The following FKBP15 variants were observed in gnomAD, a reference collection of about 807,000 sequenced individuals.
FKBP15 encodes FK506-binding protein 15.
FKBP15 carries 106 observed loss-of-function variants against 158.1 expected under a neutral mutation model. The ratio of observed to expected loss-of-function variants is 0.67; its 90% confidence interval spans 0.57 to 0.79. FKBP15 has a LOEUF of 0.79. FKBP15 is among the 30% of genes least tolerant of loss of function. The pLI is 0.00. For synonymous variants in FKBP15, 547 were observed against 548.6 expected, an observed-to-expected ratio of 1.00 and a Z score of 0.04; for missense variants, 1,287 against 1,479.1, an observed-to-expected ratio of 0.87 and a Z score of 2.13.
chr9:113,203,057 T>G (rs754215764), intron 4 of FKBP15, 22 bp from the exon 5 acceptor site: 10 of 1,472,936 alleles, frequency 6.8e-6, no homozygotes, highest in Non-Finnish European at 2.7e-6. Context: ...CAACGACAGA[T>G]AGAAAAAAAA....
At position 113,204,271 on chromosome 9, in the gene FKBP15, G is replaced by C. The variant is rs1440347099; in HGVS notation, c.325-1236C>G. Among the ~76,000 whole-genome samples, 3 of 152,120 alleles carry C rather than the reference G, an allele frequency of 2.0e-5. No individual in the cohort carries two copies. In the East Asian group the frequency reaches 5.8e-4, roughly 29 times the overall value. ...TTTTTTGTATTTTTAGTAGACACGGGGTTTCTCCATGTTGGTCAGGCTGGC... is the reference window on the plus strand; with the variant it reads ...TTTTTTGTATTTTTAGTAGACACGGCGTTTCTCCATGTTGGTCAGGCTGGC... On this transcript the variant is annotated intron_variant, in intron 4 of 27. Coordinates refer to ENST00000238256, the MANE Select transcript of FKBP15 (RefSeq NM_015258.2).
intron 2 of FKBP15, among the ~76,000 whole-genome samples, chr9:113,210,114 A>G (rs752561483): frequency 6.6e-6 from 1 of 152,148 alleles, no homozygotes; most frequent in East Asian, 1.9e-4. Context: ...CATATGGGGC[A>G]GAAGGCCTTG....
intron 22 of FKBP15, 86 bp downstream of exon 22, chr9:113,174,342 A>G (rs1587952261): frequency 1.4e-6 from 2 of 1,415,630 alleles, no homozygotes; most frequent in Non-Finnish European, 1.9e-6. Context: ...ATGTCATCCT[A>G]AAGGGTAAGG....
rs1270359257 is a variant in FKBP15 at position 113,184,126 on chromosome 9, T to G, written c.1716+166A>C. On this transcript the variant is annotated intron_variant, in intron 17 of 27. Transcript: ENST00000238256. This position sits in a 1 kb window ranked among gnomAD's most constrained non-coding sequence, Gnocchi z 4.5. ...TTCCTTCAGAATATATAGTGATAAG[T>G]CACTTGGACAGAATTAAGCCATAAT... Among the ~76,000 whole-genome samples, 1 of 152,162 alleles carries G rather than the reference T, an allele frequency of 6.6e-6. No individual in the cohort carries two copies. The highest frequency in any genetic ancestry group is 1.5e-5 in the Non-Finnish European group (1 of 68,012).
chr9:113,213,161 C>G (rs1410190306), intron 1 of FKBP15, among the ~76,000 whole-genome samples: 1 of 152,178 alleles, frequency 6.6e-6, no homozygotes, highest in Non-Finnish European at 1.5e-5. Context: ...GTAATCCCAG[C>G]ATTTTGGGAG....
chr9:113,206,842 A>G, intron 3 of FKBP15: 2 of 460,864 alleles, frequency 4.3e-6, no homozygotes, highest in Admixed American at 7.7e-5. Flanking sequence ...TCGGCCTCCC[A>G]AAGTGCTGGG....
intron 11 of FKBP15, 97 bp downstream of exon 11, chr9:113,193,395 G>T (rs1830611323): frequency 6.5e-6 from 6 of 918,720 alleles, no homozygotes; most frequent in East Asian, 5.5e-5. Context: ...GGCTGGTCTT[G>T]AACTCCTGCA....
chr9:113,170,609 C>T lies in FKBP15; in HGVS notation c.2679G>A (p.Gln893=), dbSNP rs770011959. Residue 893 remains glutamine, a synonymous_variant, in exon 25 of 28, where the codon CAG becomes CAA. Transcript: ENST00000238256. ...ACTCTCTCCGTAAGGACTGGAACACCTGGTTCATGATCTTCTTGACCTGTG... is the reference window on the plus strand; with the variant it reads ...ACTCTCTCCGTAAGGACTGGAACACTTGGTTCATGATCTTCTTGACCTGTG... ...PSEKVKKIMN[Q]VFQSLRREFE... is the part of the protein sequence containing the mutation. 1.2e-6 allele frequency: 2 copies of T among 1,613,618 alleles called. No homozygotes were observed.
chr9:113,211,208 TG>T (rs371211586), intron 2 of FKBP15, among the ~76,000 whole-genome samples: 112 of 152,350 alleles, frequency 7.4e-4, no homozygotes, highest in African/African-American at 2.5e-3. Flanking sequence ...CTCGCTCTGT[TG>T]CCCAGGCTGG....
rs141879643 is a variant in FKBP15 at position 113,201,345 on chromosome 9, C to A, written c.498+1186G>T. 6.6e-5 allele frequency among the ~76,000 whole-genome samples: 10 copies of A among 152,208 alleles called. No homozygotes were observed. The East Asian group carries it at 1.9e-3, about 29-fold the overall frequency. ...AAAGGACAGACTTCTATAAAAAATG[C>A]TCACCACGGTATCATTTACTGCAGA... On this transcript the variant is annotated intron_variant, in intron 6 of 27. Coordinates refer to ENST00000238256, the MANE Select transcript of FKBP15 (RefSeq NM_015258.2).
chr9:113,183,783 G>A lies in FKBP15; in HGVS notation c.1779C>T (p.Asp593=). ...TTCGTTCAATTAGTTCACTAATCTTGTCATTCTGTTCTTCTATCCGATTGC... is the reference window on the plus strand; with the variant it reads ...TTCGTTCAATTAGTTCACTAATCTTATCATTCTGTTCTTCTATCCGATTGC... ...EKSNRIEEQN[D]KISELIERNQ... The change falls in exon 18 of 28, where the codon GAC becomes GAT. Residue 593 remains aspartate, a synonymous_variant. Transcript: ENST00000238256. The A allele has an allele frequency of 6.2e-7, 1 of 1,613,496 alleles. No homozygotes were observed. Among genetic ancestry groups the A allele is most frequent in the Admixed American group, 1.7e-5 (1 of 60,010 alleles).
intron 27 of FKBP15, 66 bp from the exon 28 acceptor site, chr9:113,166,221 A>G: frequency 7.2e-7 from 1 of 1,389,284 alleles, no homozygotes; most frequent in East Asian, 2.4e-5. Context: ...TCCACCTGTG[A>G]GTGGAAGCAA....
Position 113,165,944 on chromosome 9 carries a change from T to A in FKBP15, c.*134A>T. ...GGCTCAGAAGGTGGCCAACCCACCCTCTGAGCCCAAATATTGTTCCCAGAA... is the reference window on the plus strand; with the variant it reads ...GGCTCAGAAGGTGGCCAACCCACCCACTGAGCCCAAATATTGTTCCCAGAA... On this transcript the variant is annotated 3_prime_UTR_variant, in exon 28 of 28. Transcript: ENST00000238256. 1.3e-6 allele frequency: 1 copy of A among 760,942 alleles called. No homozygotes were observed. The highest frequency in any genetic ancestry group is 2.1e-6 in the Non-Finnish European group (1 of 482,172). The allele number at this position is 760,942 out of a possible 1,614,324, so 47.1% of individuals were successfully genotyped here.
Position 113,178,736 on chromosome 9 carries a change from A to T in FKBP15, c.1980T>A (p.Thr660=). The T allele has an allele frequency of 6.2e-7, 1 of 1,609,198 alleles. No homozygotes were observed. Among genetic ancestry groups the T allele is most frequent in the Non-Finnish European group, 8.5e-7 (1 of 1,177,742 alleles). ...AQVSHLQLKM[T]AHQKKETELQ... ...GCTCTGTTTCCTTTTTTTGGTGAGC[A>T]GTCATTTTCAGCTGCAGATGAGAGA... Residue 660 remains threonine (T), a synonymous_variant, in exon 20 of 28, where the codon ACT becomes ACA. Transcript: ENST00000238256.
At position 113,173,501 on chromosome 9, in the gene FKBP15, G is replaced by A. The variant is rs746228548; in HGVS notation, c.2484C>T (p.Cys828=). Residue 828 remains cysteine (C), a synonymous_variant, in exon 23 of 28, where the codon TGC becomes TGT. Transcript: ENST00000238256. Reference sequence around the variant, plus strand: ...TCTGCTGGTAGGCATCTCTCTGTGCGCACACCTCCTGGTACTGCTGCAGGT... The same window carrying A: ...TCTGCTGGTAGGCATCTCTCTGTGCACACACCTCCTGGTACTGCTGCAGGT... ...DEHLQQYQEV[C]AQRDAYQQKL... The A allele has an allele frequency of 8.1e-6, 13 of 1,613,800 alleles. No individual in the cohort carries two copies. The highest frequency in any genetic ancestry group is 3.3e-5 in the Admixed American group (2 of 59,990).
At chr9:113,205,828 T>C (rs1830874978) in intron 4 of FKBP15, among the ~76,000 whole-genome samples, 1 of 152,220 alleles carries the variant, frequency 6.6e-6, no homozygotes, top group African/African-American at 2.4e-5. Flanking sequence ...ATGAAATATT[T>C]TTCAGCCATG....
intron 7 of FKBP15, among the ~76,000 whole-genome samples, chr9:113,199,208 A>G (rs755227007): frequency 3.3e-5 from 5 of 152,312 alleles, no homozygotes; most frequent in Non-Finnish European, 7.4e-5. Context: ...CAAATAAATT[A>G]TCTCATTTTG....
chr9:113,213,647 AGAAGAG>A (rs1181575150), intron 1 of FKBP15, among the ~76,000 whole-genome samples: 1 of 152,092 alleles, frequency 6.6e-6, no homozygotes, highest in Non-Finnish European at 1.5e-5. Flanking sequence ...TGGCGTTATA[AGAAGAG>A]GAAGAAAGAT....
intron 1 of FKBP15, among the ~76,000 whole-genome samples, chr9:113,216,141 A>G (rs1191468194): frequency 1.8e-3 from 261 of 141,420 alleles, no homozygotes; most frequent in African/African-American, 5.1e-3. Context: ...AAAAAAAAAA[A>G]GGGGGTATGC....
Sources: allele counts gnomAD v4.1 joint callset (sites outside exome capture counted in the v4.1 genomes callset), GRCh38; gene constraint gnomAD v4.1.1; non-coding constraint Gnocchi (gnomAD v3.1); transcripts MANE v1.5; gene names NCBI Gene and HGNC (gene_info 2026-07-23, HGNC 2026-07-21).